The following KDM4C variants were observed in gnomAD, a reference collection of about 807,000 sequenced individuals.
KDM4C encodes lysine-specific demethylase 4C.
In KDM4C, 81 loss-of-function variants were observed where a neutral mutation model predicts 129.3. That is an observed-to-expected ratio of 0.63 (90% CI 0.52 to 0.75). The LOEUF (loss-of-function observed/expected upper bound fraction) is 0.75. Ranked by LOEUF, KDM4C falls within the 30% of genes least tolerant of loss-of-function variation. The pLI is 0.00. For synonymous variants in KDM4C, 573 were observed against 456.1 expected (o/e 1.26, Z -3.26); for missense variants, 1,457 against 1,304.0 (o/e 1.12, Z -1.81).
At chr9:6,855,828 T>G (rs1839707573) in intron 5 of KDM4C, among the ~76,000 whole-genome samples, 1 of 152,242 alleles carries the variant, frequency 6.6e-6, no homozygotes, top group Admixed American at 6.5e-5. Flanking sequence ...AATGTACATC[T>G]CCATTAAAAT....
chr9:6,763,327 G>T (rs929704178), intron 1 of KDM4C, among the ~76,000 whole-genome samples: 6 of 152,084 alleles, frequency 3.9e-5, no homozygotes, highest in Admixed American at 3.3e-4. Context: ...TGCTACCCCA[G>T]TTGCACTTCT....
At chr9:7,051,582 T>C (rs2132577821) in intron 17 of KDM4C, among the ~76,000 whole-genome samples, 1 of 152,284 alleles carries the variant, frequency 6.6e-6, no homozygotes, top group South Asian at 2.1e-4. Flanking sequence ...CAGAGTAGTT[T>C]TGTGTGGTAT....
At chr9:7,055,959 C>G (rs892526821) in intron 17 of KDM4C, among the ~76,000 whole-genome samples, 8 of 152,094 alleles carry the variant, frequency 5.3e-5, no homozygotes, top group Admixed American at 3.3e-4. Flanking sequence ...TTTCATCATG[C>G]TAAAAGAAAA....
chr9:7,154,003 T>C (rs1288891816), intron 19 of KDM4C, among the ~76,000 whole-genome samples: 2 of 152,204 alleles, frequency 1.3e-5, no homozygotes, highest in Non-Finnish European at 2.9e-5. Flanking sequence ...TCTGCATCTC[T>C]GATCACAGGT....
chr9:7,120,088 T>C (rs1342877941), intron 18 of KDM4C, among the ~76,000 whole-genome samples: 13 of 152,198 alleles, frequency 8.5e-5, no homozygotes, highest in African/African-American at 2.7e-4. Flanking sequence ...GTGGCATTGA[T>C]TGACAGGTTG....
intron 2 of KDM4C, among the ~76,000 whole-genome samples, chr9:6,794,220 C>G (rs1402241175): frequency 6.6e-6 from 1 of 152,190 alleles, no homozygotes; most frequent in African/African-American, 2.4e-5. Context: ...GATGTTCCTG[C>G]CCCCATGGAG....
chr9:7,079,881 G>T (rs1435485990), intron 17 of KDM4C, among the ~76,000 whole-genome samples: 1 of 152,154 alleles, frequency 6.6e-6, no homozygotes, highest in East Asian at 1.9e-4. Context: ...ATCTGCATGA[G>T]AGTGAACCTT....
intron 17 of KDM4C, among the ~76,000 whole-genome samples, chr9:7,096,393 T>G (rs1366657618): frequency 6.6e-6 from 1 of 152,166 alleles, no homozygotes; most frequent in Non-Finnish European, 1.5e-5. Flanking sequence ...AAGAGGGGTC[T>G]AGGAAAAAAG....
intron 17 of KDM4C, among the ~76,000 whole-genome samples, chr9:7,086,932 G>A (rs894844810): frequency 6.6e-6 from 1 of 152,122 alleles, no homozygotes; most frequent in Non-Finnish European, 1.5e-5. Flanking sequence ...CCATCTATCT[G>A]TGATCCTCCA....
chr9:6,941,112 C>G (rs1334836048), intron 8 of KDM4C, among the ~76,000 whole-genome samples: 1 of 151,786 alleles, frequency 6.6e-6, no homozygotes, highest in Non-Finnish European at 1.5e-5. Flanking sequence ...CTCACTGCAA[C>G]CTCTGCCTCT....
chr9:6,865,964 A>C (rs919654063), intron 5 of KDM4C, among the ~76,000 whole-genome samples: 6 of 152,110 alleles, frequency 3.9e-5, no homozygotes, highest in African/African-American at 1.4e-4. Flanking sequence ...CGTGTTAGCC[A>C]GGATGGTCTC....
chr9:7,038,231 G>T (rs1379277944), intron 15 of KDM4C, among the ~76,000 whole-genome samples: 1 of 151,956 alleles, frequency 6.6e-6, no homozygotes, highest in Non-Finnish European at 1.5e-5. Flanking sequence ...CTGTGAGTTT[G>T]CTTTCTTTAA....
intron 8 of KDM4C, among the ~76,000 whole-genome samples, chr9:6,955,015 C>T (rs12346482): frequency 0.064 from 9,770 of 152,246 alleles, 896 homozygotes; most frequent in African/African-American, 0.2. Context: ...AGTTTGCTAA[C>T]GTGAACAATG....
chr9:6,796,958 C>T (rs901776833), intron 2 of KDM4C, among the ~76,000 whole-genome samples: 12 of 151,504 alleles, frequency 7.9e-5, no homozygotes, highest in Admixed American at 2.0e-4. Flanking sequence ...CCTGGGGAAC[C>T]GAGCCACCCA....
intron 12 of KDM4C, among the ~76,000 whole-genome samples, chr9:6,995,698 G>A (rs1819559741): frequency 1.3e-5 from 2 of 151,550 alleles, no homozygotes; most frequent in South Asian, 2.1e-4. Flanking sequence ...TTGAGATGGC[G>A]TCTCGCACTG....
chr9:7,152,263 TA>T (rs1480617764), intron 19 of KDM4C, among the ~76,000 whole-genome samples: 7 of 152,226 alleles, frequency 4.6e-5, no homozygotes, highest in Admixed American at 2.0e-4. Flanking sequence ...TTATGTATGA[TA>T]GGGGAAAATT....
At chr9:6,771,116 T>G (rs1308711947) in intron 1 of KDM4C, among the ~76,000 whole-genome samples, 11 of 114,100 alleles carry the variant, frequency 9.6e-5, no homozygotes, top group African/African-American at 3.7e-4. Flanking sequence ...TTTTAAGAGA[T>G]GAGGTCTCTC....
chr9:6,748,618 A>G, intron 1 of KDM4C: 1 of 751,264 alleles, frequency 1.3e-6, no homozygotes, highest in East Asian at 2.6e-5. Context: ...AATCAAAACA[A>G]TATGAATAAA....
chr9:6,851,821 C>T (rs1028846879), intron 5 of KDM4C, among the ~76,000 whole-genome samples: 6 of 152,256 alleles, frequency 3.9e-5, no homozygotes, highest in Middle Eastern at 3.4e-3. Context: ...ATTCTGGTGT[C>T]TTGTGTCTTT....
Sources: allele counts gnomAD v4.1 joint callset (sites outside exome capture counted in the v4.1 genomes callset), GRCh38; gene constraint gnomAD v4.1.1; transcripts MANE v1.5; gene names NCBI Gene and HGNC (gene_info 2026-07-23, HGNC 2026-07-21).